CUEDC1: variants seen among roughly 807,000 people sequenced by gnomAD.
The protein encoded by CUEDC1 is CUE domain-containing protein 1.
In CUEDC1, 30 loss-of-function variants were observed where a neutral mutation model predicts 43.7. The ratio of observed to expected loss-of-function variants is 0.69; its 90% CI spans 0.51 to 0.93. The LOEUF (loss-of-function observed/expected upper bound fraction) is 0.93, where lower values mean the gene tolerates loss of function less well. Ranked by LOEUF, CUEDC1 falls within the 40% of genes least tolerant of loss-of-function variation. The probability of loss-of-function intolerance (pLI) is 0.00; values close to 1 mark genes in which losing one functional copy is unlikely to be tolerated. For synonymous variants in CUEDC1, 223 were observed against 223.6 expected, an observed-to-expected ratio of 1.00 and a Z score of 0.02; for missense variants, 486 against 549.0, an observed-to-expected ratio of 0.89 and a Z score of 1.15.
rs111495401 is a variant in CUEDC1, at chr17:57,885,253, G to C, written c.312C>G (p.Asp104Glu). The change falls in exon 2 of 11, where the codon GAC becomes GAG. Residue 104 changes from aspartate (D) to glutamate (E), a missense_variant. Physicochemically the swap from Asp to Glu is conservative, Grantham distance 45. Transcript: ENST00000577830. ...CCTCCGGGGGGATGCTGTCCTCCGAGTCGGAGCTGTCCTCATAGACGCCGC... is the reference window on the plus strand; with the variant it reads ...CCTCCGGGGGGATGCTGTCCTCCGACTCGGAGCTGTCCTCATAGACGCCGC... Reference protein sequence around the residue: ...SSGGVYEDSSDSEDSIPPEIL... With the variant: ...SSGGVYEDSSESEDSIPPEIL... The C allele has an allele frequency of 3.1e-6, 5 of 1,591,546 alleles. No individual in the cohort carries two copies. Among genetic ancestry groups the C allele is most frequent in the Non-Finnish European group, 4.3e-6 (5 of 1,167,012 alleles).
chr17:57,908,698 T>G (rs1041551569), intron 1 of CUEDC1, among the ~76,000 whole-genome samples: 1 of 152,204 alleles, frequency 6.6e-6, no homozygotes, highest in Non-Finnish European at 1.5e-5. Flanking sequence ...GACAGGTAGC[T>G]TTGAAAGATC....
intron 1 of CUEDC1, among the ~76,000 whole-genome samples, chr17:57,932,044 G>A (rs2074808904): frequency 6.6e-6 from 1 of 151,900 alleles, no homozygotes; most frequent in Admixed American, 6.6e-5. Context: ...GGCTGAGGCA[G>A]GCACATCGCC....
intron 1 of CUEDC1, among the ~76,000 whole-genome samples, chr17:57,944,865 C>T (rs187560692): frequency 3.1e-4 from 47 of 152,310 alleles, no homozygotes; most frequent in African/African-American, 1.1e-3. Context: ...CAAGATTCAC[C>T]AAACAAAATT....
chr17:57,911,796 C>T (rs139100113), intron 1 of CUEDC1, among the ~76,000 whole-genome samples: 31 of 152,296 alleles, frequency 2.0e-4, no homozygotes, highest in Admixed American at 9.2e-4. Flanking sequence ...CATGAGCCAC[C>T]GTGCCCGTCC....
At chr17:57,905,290 A>ACACACACACACACT (rs1007711626) in intron 1 of CUEDC1, among the ~76,000 whole-genome samples, 2 of 145,704 alleles carry the variant, frequency 1.4e-5, no homozygotes, top group Non-Finnish European at 3.1e-5. Flanking sequence ...ACACACACAC[A>ACACACACACACACT]CTCCAGCCTG....
intron 2 of CUEDC1, among the ~76,000 whole-genome samples, chr17:57,882,360 G>C (rs1038396304): frequency 6.6e-6 from 1 of 152,104 alleles, no homozygotes; most frequent in Non-Finnish European, 1.5e-5. Context: ...GCTCAATTTG[G>C]AGAGCAAGAT....
chr17:57,868,347 G>A (rs1210639234), intron 7 of CUEDC1, 104 bp from the exon 8 acceptor site: 1 of 998,478 alleles, frequency 1.0e-6, no homozygotes, highest in African/African-American at 1.6e-5. Flanking sequence ...GCCCCCCGGA[G>A]AGGGAGCAGG....
intron 1 of CUEDC1, among the ~76,000 whole-genome samples, chr17:57,937,333 T>A (rs1479545076): frequency 2.0e-5 from 3 of 152,044 alleles, no homozygotes; most frequent in Non-Finnish European, 4.4e-5. Flanking sequence ...CCCAGAGGCC[T>A]GGCGTGGTGG....
At chr17:57,873,158 C>T (rs771014833) in intron 4 of CUEDC1, among the ~76,000 whole-genome samples, 5 of 152,336 alleles carry the variant, frequency 3.3e-5, no homozygotes, top group East Asian at 1.9e-4. Flanking sequence ...ACAGCCTATA[C>T]GTCAATTCCC....
intron 1 of CUEDC1, among the ~76,000 whole-genome samples, chr17:57,951,878 C>A (rs3760166): frequency 0.52 from 79,680 of 152,150 alleles, 24,070 homozygotes; most frequent in East Asian, 0.97. Context: ...TCACATTTAT[C>A]ATTTATGACC....
intron 1 of CUEDC1, among the ~76,000 whole-genome samples, chr17:57,916,477 C>T (rs2074642359): frequency 6.6e-6 from 1 of 152,220 alleles, no homozygotes; most frequent in African/African-American, 2.4e-5. Flanking sequence ...AAAGGCAACA[C>T]AAAGGCTGCA....
intron 1 of CUEDC1, among the ~76,000 whole-genome samples, chr17:57,946,010 A>T (rs930301535): frequency 6.6e-6 from 1 of 152,118 alleles, no homozygotes; most frequent in Non-Finnish European, 1.5e-5. Flanking sequence ...AAAATAAAAA[A>T]AAAACACCAA....
At chr17:57,889,043 C>T (rs1013475703) in intron 1 of CUEDC1, among the ~76,000 whole-genome samples, 1 of 152,194 alleles carries the variant, frequency 6.6e-6, no homozygotes, top group African/African-American at 2.4e-5. Flanking sequence ...AAGCCTTGCA[C>T]TCTTGCCACT....
chr17:57,906,458 G>A (rs909177765), intron 1 of CUEDC1, among the ~76,000 whole-genome samples: 4 of 152,222 alleles, frequency 2.6e-5, no homozygotes, highest in African/African-American at 9.6e-5. Flanking sequence ...ACTCAGGGAA[G>A]AGGGAGAATT....
Position 57,885,211 on chromosome 17 carries a change from C to T in CUEDC1, c.336+18G>A, listed in dbSNP as rs755379113. The T allele has an allele frequency of 1.3e-6, 2 of 1,540,708 alleles. No individual in the cohort carries two copies. Among genetic ancestry groups the T allele is most frequent in the Non-Finnish European group, 1.8e-6 (2 of 1,141,076 alleles). On this transcript the variant is annotated intron_variant, in intron 2 of 10. Transcript: ENST00000577830. ...TGTCCTCCAGTGGTGGTTGGAATTA[C>T]CCGGGCTGCGCCCCTACCTCCGGGG... is the stretch of plus-strand genomic sequence containing the variant.
At chr17:57,890,222 T>C (rs553867548) in intron 1 of CUEDC1, among the ~76,000 whole-genome samples, 1 of 152,312 alleles carries the variant, frequency 6.6e-6, no homozygotes, top group Non-Finnish European at 1.5e-5. Flanking sequence ...CACAGGGCTA[T>C]GAGCCAAGGA....
chr17:57,948,329 C>T (rs972311945), intron 1 of CUEDC1, among the ~76,000 whole-genome samples: 5 of 152,304 alleles, frequency 3.3e-5, no homozygotes, highest in East Asian at 3.9e-4. Context: ...TCTCCTCACA[C>T]GGCTTGGACT....
At chr17:57,908,612 G>C (rs1019459688) in intron 1 of CUEDC1, among the ~76,000 whole-genome samples, 5 of 152,348 alleles carry the variant, frequency 3.3e-5, no homozygotes, top group African/African-American at 1.2e-4. Flanking sequence ...GTTGTATCCA[G>C]GGGCTTCCTG....
chr17:57,935,568 G>A (rs9910748), intron 1 of CUEDC1, among the ~76,000 whole-genome samples: 7,199 of 152,194 alleles, frequency 0.047, 575 homozygotes, highest in African/African-American at 0.16. Flanking sequence ...CTCATAGCCA[G>A]GCCCGCCCCA....
Sources: gnomAD v4.1 joint callset for allele counts (sites outside exome capture counted in the v4.1 genomes callset) on GRCh38, gnomAD v4.1.1 for gene constraint, MANE v1.5 for transcripts, NCBI Gene and HGNC (gene_info 2026-07-23, HGNC 2026-07-21) for gene names.